Variants in CFAP46 observed in about 807,000 individuals in gnomAD.
The protein encoded by CFAP46 is cilia and flagella associated protein 46, also known as cilia- and flagella-associated protein 46.
A neutral mutation model predicts 325.7 loss-of-function variants in CFAP46; 245 were observed. The ratio of observed to expected loss-of-function variants is 0.75; its 90% CI spans 0.68 to 0.84. The LOEUF (loss-of-function observed/expected upper bound fraction) is 0.84. Among genes scored for constraint, CFAP46 ranks in the 40% least tolerant of loss-of-function variants. The probability of loss-of-function intolerance (pLI) is 0.00; values close to 1 mark genes in which losing one functional copy is unlikely to be tolerated. For missense variants in CFAP46, 3,346 were observed against 3,543.0 expected (o/e 0.94, Z 1.41); for synonymous variants, 1,523 against 1,495.9 (o/e 1.02, Z -0.42).
chr10:132,922,398 C>T, intron 12 of CFAP46, 82 bp downstream of exon 12: 1 of 1,459,340 alleles, frequency 6.9e-7, no homozygotes, highest in Non-Finnish European at 9.1e-7. Flanking sequence ...GCGGCTCCCG[C>T]CCTGCTGTGC....
In CFAP46 at chr10:132,832,566, G is replaced by A. The variant is rs936269946; in HGVS notation, c.7117+792C>T. The A allele has an allele frequency of 5.9e-6, 2 of 336,638 alleles. No homozygotes were observed. Among genetic ancestry groups the A allele is most frequent in the African/African-American group, 4.3e-5 (2 of 46,080 alleles). 20.9% of individuals were successfully genotyped at this position (336,638 alleles called of 1,614,324 possible). On this transcript the variant is annotated intron_variant, in intron 50 of 57. Transcript: ENST00000368586. This position sits in a 1 kb window ranked among gnomAD's most constrained non-coding sequence, Gnocchi z 4.1. ...TGGTTTTTATTTGTCTCAGCTGGAAGAACGAATCTGGTCCCTGTTACTTCA... is the reference window on the plus strand; with the variant it reads ...TGGTTTTTATTTGTCTCAGCTGGAAAAACGAATCTGGTCCCTGTTACTTCA...
At chr10:132,892,074 G>A (rs1413207761) in intron 25 of CFAP46, among the ~76,000 whole-genome samples, 1 of 152,182 alleles carries the variant, frequency 6.6e-6, no homozygotes, top group Non-Finnish European at 1.5e-5. Flanking sequence ...TAGTTACAGA[G>A]TTTGACTGTT....
chr10:132,821,932 ATGTGTGCTGTGTGTGCGCTTG>A (rs1847848417), intron 50 of CFAP46, among the ~76,000 whole-genome samples: 6 of 88,480 alleles, frequency 6.8e-5, no homozygotes, highest in African/African-American at 2.4e-4. Context: ...GTGTGCGCTG[ATGTGTGCTGTGTGTGCGCTTG>A]TGTGTGCTGT....
At chr10:132,909,082 C>T in intron 21 of CFAP46, 55 bp downstream of exon 21, 1 of 1,326,558 alleles carries the variant, frequency 7.5e-7, no homozygotes, top group Non-Finnish European at 1.0e-6. Flanking sequence ...GGGCAAGAGC[C>T]TCGGCGTCCT....
In CFAP46 at chr10:132,876,792, TTTTC is replaced by T; in HGVS notation, c.4362+16_4362+19del. ...CATGCTGTGACCAAGGTCTTGAGCC[TTTTC>T]TTTATGTCAACGTACCGGCTTCTGG... On this transcript the variant is annotated intron_variant, in intron 31 of 57. Transcript: ENST00000368586. This position sits in a 1 kb window ranked among gnomAD's most constrained non-coding sequence, Gnocchi z 4.1. 8 of 1,544,912 alleles carry T rather than the reference TTTTC, an allele frequency of 5.2e-6. No homozygotes were observed. The highest frequency in any genetic ancestry group is 6.1e-6 in the Non-Finnish European group (7 of 1,145,024).
At chr10:132,921,953 G>A in intron 13 of CFAP46, 151 bp downstream of exon 13, 1 of 1,036,408 alleles carries the variant, frequency 9.6e-7, no homozygotes, top group Non-Finnish European at 1.4e-6. Context: ...AGACCCGGCG[G>A]GCCGAGATCG....
At chr10:132,932,836 C>T (rs1591099597) in intron 8 of CFAP46, among the ~76,000 whole-genome samples, 1 of 152,274 alleles carries the variant, frequency 6.6e-6, no homozygotes. Flanking sequence ...CTAAGGCTTC[C>T]TGTTGAGCTG....
chr10:132,942,113 A>G lies in CFAP46; in HGVS notation c.50-9T>C, dbSNP rs1231318363. ...CTTCAAGGACGCAGCATCTGTCCCA[A>G]ACGGGTGGTTGAGGAAGGTTTGGTC... On this transcript the variant is annotated splice_polypyrimidine_tract_variant and intron_variant, in intron 1 of 57. Coordinates refer to ENST00000368586, the MANE Select transcript of CFAP46 (RefSeq NM_001200049.3). 1 of 1,551,372 alleles carries G rather than the reference A, an allele frequency of 6.4e-7. No homozygotes were observed. Among genetic ancestry groups the G allele is most frequent in the Non-Finnish European group, 8.7e-7 (1 of 1,146,914 alleles).
At chr10:132,846,790 G>C in intron 43 of CFAP46, 142 bp downstream of exon 43, 1 of 1,029,212 alleles carries the variant, frequency 9.7e-7, no homozygotes, top group Non-Finnish European at 1.4e-6. Flanking sequence ...TACGTGGCCG[G>C]CAGGCTCCCA....
chr10:132,938,617 C>T lies in CFAP46; in HGVS notation c.508G>A (p.Asp170Asn). 1 of 1,613,532 alleles carries T rather than the reference C, an allele frequency of 6.2e-7. No homozygotes were observed. Among genetic ancestry groups the T allele is most frequent in the African/African-American group, 1.3e-5 (1 of 75,036 alleles). Residue 170 changes from aspartate (D) to asparagine (N), a missense_variant, in exon 5 of 58, where the codon GAC (aspartate) becomes AAC (asparagine). Physicochemically the swap from Asp to Asn is conservative, Grantham distance 23. Transcript: ENST00000368586. ...INVLSQTEEE[D>N]KEWRAELMLE... ...ATCAGCTCAGCACGCCACTCCTTGT[C>T]TTCCTCCTCAGTCTGACTCAGCACG...
chr10:132,894,229 G>C (rs1849292146), intron 24 of CFAP46, among the ~76,000 whole-genome samples: 1 of 152,228 alleles, frequency 6.6e-6, no homozygotes, highest in South Asian at 2.1e-4. Flanking sequence ...GTCACAAAAA[G>C]TCTGCAACTG....
chr10:132,879,041 G>A (rs962312834), intron 29 of CFAP46, among the ~76,000 whole-genome samples: 12 of 152,160 alleles, frequency 7.9e-5, no homozygotes, highest in South Asian at 4.1e-4. Flanking sequence ...TAACAGAGGC[G>A]CCTGCCGCTG....
intron 39 of CFAP46, among the ~76,000 whole-genome samples, chr10:132,854,431 A>AG: frequency 6.6e-6 from 1 of 152,066 alleles, no homozygotes; most frequent in East Asian, 1.9e-4. Context: ...CTTCCCCCCC[A>AG]GGTTCACGCC....
At chr10:132,864,463 C>A (rs1848777689) in intron 35 of CFAP46, among the ~76,000 whole-genome samples, 2 of 110,166 alleles carry the variant, frequency 1.8e-5, no homozygotes, top group African/African-American at 6.4e-5. Context: ...CACCTGTCCC[C>A]CTGCCTGAGA....
chr10:132,825,029 G>A (rs949343676), intron 50 of CFAP46, among the ~76,000 whole-genome samples: 1 of 142,670 alleles, frequency 7.0e-6, no homozygotes, highest in African/African-American at 2.6e-5. Context: ...ACTGTGTGCT[G>A]TGTGTGTGGT....
Position 132,814,234 on chromosome 10 carries a change from T to C in CFAP46, c.7306A>G (p.Ile2436Val). Reference protein sequence around the residue: ...QGPEMLTPVSITQDILERFQD... With the variant: ...QGPEMLTPVSVTQDILERFQD... ...AATCTTTCCAAAATGTCTTGGGTGA[T>C]GGAGACAGGAGTTAGCATTTCTGCA... is the stretch of plus-strand genomic sequence containing the variant. Residue 2436 changes from isoleucine (I) to valine (V), a missense_variant, in exon 54 of 58, where the codon ATC becomes GTC. Transcript: ENST00000368586. The C allele has an allele frequency of 1.2e-6, 2 of 1,613,658 alleles. No individual in the cohort carries two copies. The highest frequency in any genetic ancestry group is 1.7e-6 in the Non-Finnish European group (2 of 1,179,780).
intron 10 of CFAP46, 50 bp downstream of exon 10, chr10:132,926,518 A>G: frequency 7.4e-7 from 1 of 1,354,402 alleles, no homozygotes; most frequent in Non-Finnish European, 1.0e-6. Flanking sequence ...ACCAAGCTCC[A>G]GGAATCTGCA....
chr10:132,894,290 G>A (rs993066424), intron 24 of CFAP46, among the ~76,000 whole-genome samples: 1 of 152,208 alleles, frequency 6.6e-6, no homozygotes, highest in South Asian at 2.1e-4. Context: ...CATCTAAGTT[G>A]GTTTCATGGC....
chr10:132,841,064 A>G (rs1848338655), intron 44 of CFAP46, among the ~76,000 whole-genome samples: 1 of 152,158 alleles, frequency 6.6e-6, no homozygotes, highest in Admixed American at 6.5e-5. Flanking sequence ...TGAGTTTTGG[A>G]GGGAACATTC....
Sources: allele counts gnomAD v4.1 joint callset (sites outside exome capture counted in the v4.1 genomes callset), GRCh38; gene constraint gnomAD v4.1.1; non-coding constraint Gnocchi (gnomAD v3.1); transcripts MANE v1.5; gene names NCBI Gene and HGNC (gene_info 2026-07-23, HGNC 2026-07-21).